CPQ: variants seen among roughly 807,000 people sequenced by gnomAD.
CPQ encodes the protein carboxypeptidase Q.
Under a neutral mutation model 45.7 loss-of-function variants are expected in CPQ, and 37 were observed. The observed-to-expected ratio is 0.81, with a 90% CI of 0.62 to 1.07. The LOEUF is 1.07. Among genes scored for constraint, CPQ ranks in the 50% least tolerant of loss-of-function variants. The pLI is 0.00. For missense variants in CPQ, 537 were observed against 572.9 expected, an observed-to-expected ratio of 0.94 and a Z score of 0.64; for synonymous variants, 186 against 205.8, an observed-to-expected ratio of 0.90 and a Z score of 0.82.
intron 1 of CPQ, among the ~76,000 whole-genome samples, chr8:96,774,075 A>T (rs1387593913): frequency 6.6e-6 from 1 of 152,128 alleles, no homozygotes; most frequent in Non-Finnish European, 1.5e-5. Flanking sequence ...GTTCAAGACC[A>T]GCCTTGCCAA....
chr8:97,014,235 C>T (rs1203476397), intron 5 of CPQ, among the ~76,000 whole-genome samples: 15 of 152,192 alleles, frequency 9.9e-5, no homozygotes, highest in Middle Eastern at 3.4e-3. Flanking sequence ...CAGGGATGTT[C>T]GGATAATCTT....
At chr8:96,839,472 C>A (rs969731079) in intron 3 of CPQ, among the ~76,000 whole-genome samples, 2 of 152,058 alleles carry the variant, frequency 1.3e-5, no homozygotes, top group African/African-American at 4.8e-5. Flanking sequence ...TGGTAAAATA[C>A]CTTTCTTTGC....
At chr8:96,921,328 T>TGAA (rs1812803323) in intron 4 of CPQ, among the ~76,000 whole-genome samples, 3 of 152,230 alleles carry the variant, frequency 2.0e-5, no homozygotes, top group Admixed American at 2.0e-4. Flanking sequence ...AATGCTGGGC[T>TGAA]GAAGAAAACA....
At position 96,798,288 on chromosome 8, in the gene CPQ, C is replaced by G. The variant is rs201598778; in HGVS notation, c.433+12958C>G. ...GGGCCCACAGGTGCATGCCACCACACCTGGCTAATTTTTCGATTTTTTTTA... is the reference window on the plus strand; with the variant it reads ...GGGCCCACAGGTGCATGCCACCACAGCTGGCTAATTTTTCGATTTTTTTTA... On this transcript the variant is annotated intron_variant, in intron 2 of 7. Coordinates refer to ENST00000220763, the MANE Select transcript of CPQ (RefSeq NM_016134.4). Among the ~76,000 whole-genome samples the G allele has an allele frequency of 5.9e-4, 89 of 151,618 alleles. 3 individuals are homozygous for G. In the East Asian group the frequency reaches 0.01, roughly 17 times the overall value.
chr8:97,023,917 C>CTA (rs1809752339), intron 5 of CPQ, among the ~76,000 whole-genome samples: 1 of 152,162 alleles, frequency 6.6e-6, no homozygotes, highest in Non-Finnish European at 1.5e-5. Flanking sequence ...CTGGTGTCTG[C>CTA]TATATGGCAC....
chr8:96,858,744 A>T (rs1430655590), intron 3 of CPQ, among the ~76,000 whole-genome samples: 1 of 152,202 alleles, frequency 6.6e-6, no homozygotes, highest in Non-Finnish European at 1.5e-5. Flanking sequence ...CGTTGCTTTA[A>T]AAAATACACA....
intron 7 of CPQ, among the ~76,000 whole-genome samples, chr8:97,099,872 T>C (rs1423575250): frequency 6.6e-6 from 1 of 152,208 alleles, no homozygotes; most frequent in Non-Finnish European, 1.5e-5. Flanking sequence ...AATAGTAACA[T>C]AGATTTTTCT....
intron 1 of CPQ, among the ~76,000 whole-genome samples, chr8:96,750,042 G>A (rs796252075): frequency 7.2e-5 from 11 of 151,862 alleles, no homozygotes; most frequent in African/African-American, 2.7e-4. Flanking sequence ...AAAAGGAAAG[G>A]GGTATATGAT....
chr8:96,684,200 CTT>C (rs1167693133), intron 1 of CPQ, among the ~76,000 whole-genome samples: 1 of 152,130 alleles, frequency 6.6e-6, no homozygotes, highest in East Asian at 1.9e-4. Context: ...TGGAGAAAGA[CTT>C]TTTCCTGTAG....
intron 1 of CPQ, chr8:96,732,221 T>C (rs1454468091): frequency 1.3e-5 from 2 of 152,248 alleles, no homozygotes; most frequent in African/African-American, 4.8e-5. Context: ...TGGTATTTCC[T>C]GTTTATCTTT....
intron 4 of CPQ, among the ~76,000 whole-genome samples, chr8:96,957,806 CAA>C (rs559725927): frequency 1.6e-5 from 2 of 128,556 alleles, no homozygotes; most frequent in Non-Finnish European, 1.7e-5. Context: ...CTCAAAAAAA[CAA>C]AAAAAAAAAA....
At chr8:97,133,144 C>T (rs923010547) in intron 7 of CPQ, 4 of 152,162 alleles carry the variant, frequency 2.6e-5, no homozygotes, top group Non-Finnish European at 5.9e-5. Context: ...TCATTTTATA[C>T]ACATACAGAC....
At chr8:96,920,131 T>C (rs893518141) in intron 4 of CPQ, among the ~76,000 whole-genome samples, 1 of 152,154 alleles carries the variant, frequency 6.6e-6, no homozygotes, top group Non-Finnish European at 1.5e-5. Context: ...TGACAGTTAA[T>C]ACAATGCTGA....
chr8:96,953,613 G>A (rs1813305163), intron 4 of CPQ, among the ~76,000 whole-genome samples: 1 of 152,032 alleles, frequency 6.6e-6, no homozygotes, highest in Non-Finnish European at 1.5e-5. Flanking sequence ...CAGGTGTCCT[G>A]GACGGAAACA....
intron 4 of CPQ, among the ~76,000 whole-genome samples, chr8:96,956,687 A>T (rs1173975398): frequency 2.0e-5 from 3 of 152,168 alleles, no homozygotes; most frequent in Non-Finnish European, 4.4e-5. Flanking sequence ...AAATTCTAAT[A>T]AAAAATAAGA....
intron 1 of CPQ, among the ~76,000 whole-genome samples, chr8:96,720,817 C>A (rs775832047): frequency 6.6e-6 from 1 of 152,064 alleles, no homozygotes; most frequent in African/African-American, 2.4e-5. Flanking sequence ...TTTTGCTCCC[C>A]GCCTCCCTGC....
intron 3 of CPQ, among the ~76,000 whole-genome samples, chr8:96,854,561 G>T (rs1402525295): frequency 4.4e-5 from 4 of 90,398 alleles, no homozygotes; most frequent in South Asian, 3.7e-4. Flanking sequence ...AAAAAAAAAT[G>T]TGGTGGAACT....
intron 5 of CPQ, among the ~76,000 whole-genome samples, chr8:97,007,488 G>A (rs950697501): frequency 7.2e-5 from 11 of 152,212 alleles, no homozygotes; most frequent in African/African-American, 2.7e-4. Flanking sequence ...TCTGTAGCCT[G>A]TTAATGGAAG....
intron 7 of CPQ, among the ~76,000 whole-genome samples, chr8:97,113,522 A>C (rs1811533760): frequency 6.6e-6 from 1 of 152,222 alleles, no homozygotes; most frequent in African/African-American, 2.4e-5. Flanking sequence ...TAGTGGACTG[A>C]ATCCTCAGTT....
Sources: gnomAD v4.1 joint callset for allele counts (sites outside exome capture counted in the v4.1 genomes callset) on GRCh38, gnomAD v4.1.1 for gene constraint, MANE v1.5 for transcripts, NCBI Gene and HGNC (gene_info 2026-07-23, HGNC 2026-07-21) for gene names.